The following TSPAN19 variants were observed in gnomAD, a reference collection of about 807,000 sequenced individuals.
The protein encoded by TSPAN19 is tetraspanin-19.
Under a neutral mutation model 35.1 loss-of-function variants are expected in TSPAN19, and 44 were observed. That is an observed-to-expected ratio of 1.25 (90% CI 0.98 to 1.61). The LOEUF is 1.61. TSPAN19 is among the 40% of genes most tolerant of loss of function. TSPAN19 has a pLI of 0.00. For synonymous variants in TSPAN19, 79 were observed against 92.0 expected (o/e 0.86, Z 0.81); for missense variants, 290 against 280.0 (o/e 1.04, Z -0.26).
intron 5 of TSPAN19, among the ~76,000 whole-genome samples, chr12:85,022,636 C>T (rs1269054103): frequency 6.6e-6 from 1 of 152,030 alleles, no homozygotes. Flanking sequence ...GATCCCTAAC[C>T]ATATTCATAT....
At chr12:85,023,626 T>C (rs1877244931) in intron 4 of TSPAN19, among the ~76,000 whole-genome samples, 1 of 152,146 alleles carries the variant, frequency 6.6e-6, no homozygotes, top group Non-Finnish European at 1.5e-5. Context: ...GAAGTGATAG[T>C]AATTAATGAG....
chr12:85,020,482 C>T (rs945223731), intron 5 of TSPAN19, among the ~76,000 whole-genome samples: 1 of 151,838 alleles, frequency 6.6e-6, no homozygotes, highest in African/African-American at 2.4e-5. Context: ...ACTATCAGGG[C>T]TCAGAATACA....
chr12:85,023,207 C>T lies in TSPAN19; in HGVS notation c.339+119G>A, dbSNP rs1877213351. On this transcript the variant is annotated intron_variant, in intron 5 of 8. Transcript: ENST00000532498. ...GTACTTTTGTTAAATATTATTTTCC[C>T]CTAAAGAAATTTACCTTTGGCTTTT... 4.8e-6 allele frequency: 4 copies of T among 827,924 alleles called. No individual in the cohort carries two copies. The Admixed American group carries it at 8.1e-5, about 17-fold the overall frequency. The allele number at this position is 827,924 out of a possible 1,614,324, so 51.3% of individuals were successfully genotyped here.
intron 6 of TSPAN19, 38 bp from the exon 7 acceptor site, chr12:85,017,637 T>C: frequency 6.8e-7 from 1 of 1,470,424 alleles, no homozygotes; most frequent in Non-Finnish European, 9.1e-7. Context: ...CATAAAATGT[T>C]CAAAATGCAG....
At chr12:85,020,930 C>A (rs993958263) in intron 5 of TSPAN19, among the ~76,000 whole-genome samples, 2 of 151,932 alleles carry the variant, frequency 1.3e-5, no homozygotes, top group South Asian at 4.1e-4. Context: ...CAGCCAAGAG[C>A]CTTGTGATGA....
At chr12:85,034,092 G>T (rs1877803669) in intron 1 of TSPAN19, among the ~76,000 whole-genome samples, 1 of 152,076 alleles carries the variant, frequency 6.6e-6, no homozygotes, top group Non-Finnish European at 1.5e-5. Flanking sequence ...GAGAGTTAGA[G>T]AATCTGAAGG....
chr12:85,026,864 G>A (rs1877441790), intron 4 of TSPAN19, among the ~76,000 whole-genome samples: 1 of 152,070 alleles, frequency 6.6e-6, no homozygotes, highest in South Asian at 2.1e-4. Context: ...GTGTGTTTGT[G>A]GTAACTGGCA....
intron 4 of TSPAN19, among the ~76,000 whole-genome samples, chr12:85,026,466 G>C (rs552284259): frequency 1.2e-4 from 19 of 152,228 alleles, no homozygotes; most frequent in Non-Finnish European, 2.5e-4. Flanking sequence ...GGTTTCCAGA[G>C]CAACAGAGCA....
rs534834124 is a variant in TSPAN19, at chr12:85,034,704, C to T, written c.-28+1500G>A. Reference sequence around the variant, plus strand: ...GTGTCAAGTTAAATTTACTTATAATCTACAAATGTATTAGATAACTGCTGC... The same window carrying T: ...GTGTCAAGTTAAATTTACTTATAATTTACAAATGTATTAGATAACTGCTGC... On this transcript the variant is annotated intron_variant, in intron 1 of 8. Coordinates refer to ENST00000532498, the MANE Select transcript of TSPAN19 (RefSeq NM_001100917.2). Among the ~76,000 whole-genome samples the T allele has an allele frequency of 2.0e-5, 3 of 152,264 alleles. No individual in the cohort carries two copies. The South Asian group carries it at 6.2e-4, about 32-fold the overall frequency.
Position 85,017,618 on chromosome 12 carries a change from G to C in TSPAN19, c.451-19C>G. ...ACTGTAACTAGGAAAAAGCTTATAT[G>C]AATTTTACCATAAAATGTTCAAAAT... On this transcript the variant is annotated intron_variant, in intron 6 of 8. Coordinates refer to ENST00000532498, the MANE Select transcript of TSPAN19 (RefSeq NM_001100917.2). 1.3e-6 allele frequency: 2 copies of C among 1,515,102 alleles called. No individual in the cohort carries two copies. Among genetic ancestry groups the C allele is most frequent in the Non-Finnish European group, 1.8e-6 (2 of 1,130,140 alleles). 93.9% of individuals were successfully genotyped at this position (1,515,102 alleles called of 1,614,324 possible). A position where few individuals can be genotyped will look rare whatever the true frequency, so the allele number is the denominator to read the frequency against.
intron 8 of TSPAN19, 88 bp from the exon 9 acceptor site, chr12:85,014,643 C>A (rs761996315): frequency 6.3e-6 from 6 of 947,250 alleles, no homozygotes; most frequent in Admixed American, 4.9e-5. Context: ...CACCAAAATG[C>A]GTATTGTAAA....
chr12:85,026,567 A>T (rs931451134), intron 4 of TSPAN19, among the ~76,000 whole-genome samples: 4 of 152,102 alleles, frequency 2.6e-5, no homozygotes, highest in Non-Finnish European at 5.9e-5. Flanking sequence ...TGCCAGGGTA[A>T]TATTCAAATA....
At chr12:85,018,583 T>C (rs1876947923) in intron 6 of TSPAN19, among the ~76,000 whole-genome samples, 1 of 151,924 alleles carries the variant, frequency 6.6e-6, no homozygotes, top group Non-Finnish European at 1.5e-5. Flanking sequence ...ACGGATCACA[T>C]ACATAAGAGA....
chr12:85,028,024 C>T lies in TSPAN19; in HGVS notation c.140-1G>A. 2 of 1,539,494 alleles carry T rather than the reference C, an allele frequency of 1.3e-6. No individual in the cohort carries two copies. The highest frequency in any genetic ancestry group is 1.8e-6 in the Non-Finnish European group (2 of 1,135,464). ...GGTACTATGAAGTGATTATTTTCAT[C>T]TGTGAAAAGTACAAATTTACTTATT... On this transcript the variant is annotated splice_acceptor_variant, in intron 3 of 8. Coordinates refer to ENST00000532498, the MANE Select transcript of TSPAN19 (RefSeq NM_001100917.2). LOFTEE classifies it high-confidence loss of function.
intron 4 of TSPAN19, among the ~76,000 whole-genome samples, chr12:85,027,334 A>G (rs1877463214): frequency 6.6e-6 from 1 of 152,190 alleles, no homozygotes; most frequent in African/African-American, 2.4e-5. Context: ...GCTGGGTACT[A>G]TGCTCACTCA....
intron 1 of TSPAN19, among the ~76,000 whole-genome samples, 182 bp downstream of exon 1, chr12:85,036,022 G>A (rs1877997450): frequency 6.6e-6 from 1 of 151,886 alleles, no homozygotes; most frequent in Non-Finnish European, 1.5e-5. Flanking sequence ...TCACTGTTCA[G>A]GATTAAGGGT....
At chr12:85,029,858 T>C in intron 2 of TSPAN19, 23 bp downstream of exon 2, 1 of 1,505,206 alleles carries the variant, frequency 6.6e-7, no homozygotes, top group Non-Finnish European at 9.0e-7. Context: ...TTTTCTTTAC[T>C]GTATAATTAT....
At chr12:85,027,752 G>T in intron 4 of TSPAN19, 147 bp downstream of exon 4, 1 of 740,772 alleles carries the variant, frequency 1.3e-6, no homozygotes, top group Non-Finnish European at 2.0e-6. Context: ...TGACTTTGTT[G>T]GAGGGAGGAG....
intron 3 of TSPAN19, 24 bp downstream of exon 3, chr12:85,029,691 TGAGA>T (rs1244202985): frequency 6.7e-7 from 1 of 1,496,362 alleles, no homozygotes; most frequent in Non-Finnish European, 9.0e-7. Context: ...TCTATTTCAC[TGAGA>T]GAAAAACAAA....
Sources: allele counts gnomAD v4.1 joint callset (sites outside exome capture counted in the v4.1 genomes callset), GRCh38; gene constraint gnomAD v4.1.1; transcripts MANE v1.5; gene names NCBI Gene and HGNC (gene_info 2026-07-23, HGNC 2026-07-21).